CCDC198: variants seen among roughly 807,000 people sequenced by gnomAD.
CCDC198 encodes factor associated with metabolism and energy.
A neutral mutation model predicts 35.6 loss-of-function variants in CCDC198; 18 were observed. That is an observed-to-expected ratio of 0.51 (90% CI 0.35 to 0.75). The LOEUF (loss-of-function observed/expected upper bound fraction) is 0.75. CCDC198 is among the 30% of genes least tolerant of loss of function. The pLI is 0.01. For missense variants in CCDC198, 365 were observed against 343.7 expected (o/e 1.06, Z -0.49); for synonymous variants, 119 against 113.4 (o/e 1.05, Z -0.31).
intron 5 of CCDC198, chr14:57,479,023 G>T (rs1362312177): frequency 7.8e-7 from 1 of 1,289,278 alleles, no homozygotes; most frequent in Admixed American, 2.3e-5. Context: ...CTGTGGGTTT[G>T]CCCTGGGGAA....
chr14:57,492,083 A>C (rs536428779), intron 1 of CCDC198, among the ~76,000 whole-genome samples: 1 of 151,796 alleles, frequency 6.6e-6, no homozygotes. Context: ...ACTAATCCTT[A>C]TTTTTTTTAT....
intron 5 of CCDC198, among the ~76,000 whole-genome samples, chr14:57,476,198 A>G (rs2066991144): frequency 6.6e-6 from 1 of 152,180 alleles, no homozygotes; most frequent in African/African-American, 2.4e-5. Flanking sequence ...CCCATTTTAC[A>G]GATGTGGAAA....
At chr14:57,490,051 G>T (rs553757074) in intron 2 of CCDC198, among the ~76,000 whole-genome samples, 1 of 151,958 alleles carries the variant, frequency 6.6e-6, no homozygotes, top group Non-Finnish European at 1.5e-5. Flanking sequence ...TCAAATAATG[G>T]CTGTGAGCTT....
rs141706619 is a variant in CCDC198 at position 57,491,486 on chromosome 14, T to C, written c.224-415A>G. Among the ~76,000 whole-genome samples the C allele has an allele frequency of 4.1e-3, 628 of 152,196 alleles. 7 individuals are homozygous for C. Among genetic ancestry groups the C allele is most frequent in the African/African-American group, 0.014 (591 of 41,538 alleles). On this transcript the variant is annotated intron_variant, in intron 1 of 5. Coordinates refer to ENST00000216445, the MANE Select transcript of CCDC198 (RefSeq NM_018168.4). ...ATAACTTTAAAAAATGAAAACAATCTTCTTAGATGAAATAGATGATAGATA... is the reference window on the plus strand; with the variant it reads ...ATAACTTTAAAAAATGAAAACAATCCTCTTAGATGAAATAGATGATAGATA...
At chr14:57,483,496 G>T (rs2067254536) in intron 2 of CCDC198, among the ~76,000 whole-genome samples, 1 of 152,112 alleles carries the variant, frequency 6.6e-6, no homozygotes, top group African/African-American at 2.4e-5. Flanking sequence ...AGAGGCGCTA[G>T]GAATTTATTT....
At chr14:57,479,919 CT>C (rs1402247430) in intron 5 of CCDC198, among the ~76,000 whole-genome samples, 2 of 152,150 alleles carry the variant, frequency 1.3e-5, no homozygotes, top group African/African-American at 2.4e-5. Flanking sequence ...AGTCAGGAGG[CT>C]GTAGCTGGAG....
chr14:57,492,342 C>T (rs1312785029), intron 1 of CCDC198, among the ~76,000 whole-genome samples: 1 of 151,912 alleles, frequency 6.6e-6, no homozygotes, highest in South Asian at 2.1e-4. Flanking sequence ...TATTCAGTTA[C>T]CTAAATCTTT....
intron 1 of CCDC198, among the ~76,000 whole-genome samples, chr14:57,493,266 T>C (rs1460932768): frequency 6.6e-6 from 1 of 152,174 alleles, no homozygotes; most frequent in Admixed American, 6.6e-5. Context: ...TCATATGGAA[T>C]AGTGAAAAGT....
intron 5 of CCDC198, chr14:57,479,141 A>T: frequency 1.3e-6 from 1 of 799,252 alleles, no homozygotes; most frequent in Non-Finnish European, 1.8e-6. Flanking sequence ...GAGAGCATAA[A>T]CAATTTGGCC....
rs769356724 is a variant in CCDC198 at position 57,471,594 on chromosome 14, C to T, written c.656-4G>A. 4.6e-6 allele frequency: 7 copies of T among 1,510,022 alleles called. No homozygotes were observed. The East Asian group carries it at 6.9e-5, about 15-fold the overall frequency. The allele number at this position is 1,510,022 out of a possible 1,614,324, so 93.5% of individuals were successfully genotyped here. On this transcript the variant is annotated splice_region_variant and splice_polypyrimidine_tract_variant and intron_variant, in intron 5 of 5. Coordinates refer to ENST00000216445, the MANE Select transcript of CCDC198 (RefSeq NM_018168.4). ...AATTCTGTATTCTTTGAATTTCCTA[C>T]AAAAAAATTAAGTTTCTTTAATTTT...
intron 4 of CCDC198, 114 bp downstream of exon 4, chr14:57,481,445 A>G: frequency 1.4e-6 from 1 of 694,808 alleles, no homozygotes; most frequent in East Asian, 2.7e-5. Flanking sequence ...AACCTCAATG[A>G]CGAAATTTAA....
At chr14:57,476,948 G>A (rs751526479) in intron 5 of CCDC198, among the ~76,000 whole-genome samples, 2 of 152,190 alleles carry the variant, frequency 1.3e-5, no homozygotes, top group African/African-American at 2.4e-5. Context: ...GACAAATGCC[G>A]AGCACAGAGG....
chr14:57,475,634 G>A (rs897245489), intron 5 of CCDC198: 34 of 404,066 alleles, frequency 8.4e-5, no homozygotes, highest in East Asian at 2.6e-4. Context: ...TTGAACTTGG[G>A]AGGCGAAGTT....
At chr14:57,480,169 C>T in intron 5 of CCDC198, 2 of 575,190 alleles carry the variant, frequency 3.5e-6, no homozygotes, top group Non-Finnish European at 4.4e-6. Context: ...GAGAGTTGAC[C>T]TCCACAGAAA....
intron 2 of CCDC198, among the ~76,000 whole-genome samples, chr14:57,483,848 C>T (rs770658405): frequency 3.9e-5 from 6 of 152,172 alleles, no homozygotes; most frequent in African/African-American, 9.6e-5. Flanking sequence ...CAATGGGGAA[C>T]GTGGAGGGCC....
intron 5 of CCDC198, among the ~76,000 whole-genome samples, chr14:57,477,000 C>T (rs146550395): frequency 1.1e-4 from 16 of 152,332 alleles, no homozygotes; most frequent in African/African-American, 2.6e-4. Context: ...CGTGAGTGCA[C>T]GCCTGAGCAG....
At chr14:57,476,054 C>G (rs1023530929) in intron 5 of CCDC198, among the ~76,000 whole-genome samples, 3 of 151,990 alleles carry the variant, frequency 2.0e-5, no homozygotes, top group Admixed American at 6.6e-5. Flanking sequence ...CCACCCTCCT[C>G]AGCCTCCCAA....
Position 57,480,752 on chromosome 14 carries a change from G to A in CCDC198, c.498C>T (p.Ala166=), listed in dbSNP as rs770257606. 19 of 1,613,226 alleles carry A rather than the reference G, an allele frequency of 1.2e-5. No individual in the cohort carries two copies. In the African/African-American group the frequency reaches 2.0e-4, roughly 17 times the overall value. The part of the protein sequence containing the change: ...VLEMIRKRQE[A]QMELKKSLHG... ...GAAGACTTTTCTTTAACTCCATTTG[G>A]GCCTGAAAATCATCAACTATAAATG... Residue 166 remains alanine (A), a splice_region_variant and synonymous_variant, in exon 5 of 6, where the codon GCC becomes GCT. Transcript: ENST00000216445.
At chr14:57,475,647 C>A in intron 5 of CCDC198, 1 of 392,174 alleles carries the variant, frequency 2.5e-6, no homozygotes, top group South Asian at 1.8e-5. Flanking sequence ...GCGAAGTTTG[C>A]GGTGAGCCGA....
Sources: gnomAD v4.1 joint callset for allele counts (sites outside exome capture counted in the v4.1 genomes callset) on GRCh38, gnomAD v4.1.1 for gene constraint, MANE v1.5 for transcripts, NCBI Gene and HGNC (gene_info 2026-07-23, HGNC 2026-07-21) for gene names.